Variants in TDRD1 observed in about 807,000 individuals in gnomAD.
TDRD1 encodes the protein tudor domain containing 1, also known as tudor domain-containing protein 1.
In TDRD1, 37 loss-of-function variants were observed where a neutral mutation model predicts 140.6. The observed-to-expected ratio is 0.26, with a 90% CI of 0.20 to 0.35. The LOEUF (loss-of-function observed/expected upper bound fraction) is 0.35. Among genes scored for constraint, TDRD1 ranks in the 10% least tolerant of loss-of-function variants. The pLI is 1.00. For synonymous variants in TDRD1, 506 were observed against 475.7 expected, an observed-to-expected ratio of 1.06 and a Z score of -0.83; for missense variants, 1,243 against 1,393.0, an observed-to-expected ratio of 0.89 and a Z score of 1.71.
At chr10:114,208,065 G>A (rs921234437) in intron 11 of TDRD1, among the ~76,000 whole-genome samples, 2 of 152,058 alleles carry the variant, frequency 1.3e-5, no homozygotes, top group Non-Finnish European at 2.9e-5. Flanking sequence ...TATGTTGCAA[G>A]AAAACGAACA....
intron 3 of TDRD1, among the ~76,000 whole-genome samples, chr10:114,191,439 T>C (rs1345514682): frequency 6.6e-6 from 1 of 152,196 alleles, no homozygotes; most frequent in Non-Finnish European, 1.5e-5. Context: ...TTCGACAATT[T>C]TGACATTTTT....
At chr10:114,190,874 G>T (rs542065975) in intron 2 of TDRD1, 87 bp from the exon 3 acceptor site, 6 of 1,311,646 alleles carry the variant, frequency 4.6e-6, no homozygotes, top group Non-Finnish European at 6.6e-6. Context: ...CCTGTTACTT[G>T]AATATCACCT....
intron 3 of TDRD1, among the ~76,000 whole-genome samples, chr10:114,194,152 A>T (rs2034178504): frequency 6.6e-6 from 1 of 152,146 alleles, no homozygotes; most frequent in Non-Finnish European, 1.5e-5. Flanking sequence ...TTTGGTCTGT[A>T]ATTTTCTTTT....
intron 11 of TDRD1, 86 bp downstream of exon 11, chr10:114,206,416 T>TTGTTTTA: frequency 1.1e-6 from 1 of 932,550 alleles, no homozygotes; most frequent in Admixed American, 2.2e-5. Flanking sequence ...ACTTTAGCAC[T>TTGTTTTA]GTTAAGACTT....
chr10:114,228,153 G>A (rs765227986), intron 25 of TDRD1: 3 of 1,545,294 alleles, frequency 1.9e-6, no homozygotes, highest in South Asian at 2.5e-5. Flanking sequence ...GTATGTTTTC[G>A]CCTCTTCTGT....
At chr10:114,202,169 T>C (rs2034790803) in intron 5 of TDRD1, 69 bp from the exon 6 acceptor site, 1 of 1,210,064 alleles carries the variant, frequency 8.3e-7, no homozygotes, top group African/African-American at 1.5e-5. Context: ...AATACCATAA[T>C]TGTGGTTGAT....
At chr10:114,204,291 G>A in intron 9 of TDRD1, 75 bp downstream of exon 9, 2 of 1,451,082 alleles carry the variant, frequency 1.4e-6, no homozygotes, top group Non-Finnish European at 1.8e-6. Context: ...TGGGCACAGT[G>A]TTTGCTTGTT....
chr10:114,225,072 C>T lies in TDRD1; in HGVS notation c.3008-977C>T, dbSNP rs529996327. Among the ~76,000 whole-genome samples the T allele has an allele frequency of 1.3e-4, 20 of 152,256 alleles. No homozygotes were observed. The South Asian group carries it at 4.1e-3, about 32-fold the overall frequency. On this transcript the variant is annotated intron_variant, in intron 21 of 25. Coordinates refer to ENST00000251864, the Ensembl canonical transcript of TDRD1. ...CTGGTGGCCTCCTGCCTGGAGTGCA[C>T]AGCTTGCCTGCCAGTGTTAAACTCT...
chr10:114,205,830 A>T (rs2035064362), intron 10 of TDRD1, among the ~76,000 whole-genome samples: 1 of 152,220 alleles, frequency 6.6e-6, no homozygotes, highest in Non-Finnish European at 1.5e-5. Flanking sequence ...GACTGTAGTC[A>T]ATAATAATTG....
At chr10:114,215,967 G>A (rs551502902) in intron 16 of TDRD1, among the ~76,000 whole-genome samples, 2 of 151,994 alleles carry the variant, frequency 1.3e-5, no homozygotes, top group East Asian at 3.9e-4. Context: ...AGTAATTTTT[G>A]CATTTTTTCT....
Position 114,224,054 on chromosome 10 carries a change from A to G in TDRD1, c.3007+1351A>G, listed in dbSNP as rs187516226. Among the ~76,000 whole-genome samples, 43 of 152,150 alleles carry G rather than the reference A, an allele frequency of 2.8e-4. No individual in the cohort carries two copies. The East Asian group carries it at 5.0e-3, about 18-fold the overall frequency. Reference sequence around the variant, plus strand: ...TCCCACCTTGTTTTTTGGATCCCCAACTTCCCTTTTGATTTACTCCAGTAT... The same window carrying G: ...TCCCACCTTGTTTTTTGGATCCCCAGCTTCCCTTTTGATTTACTCCAGTAT... On this transcript the variant is annotated intron_variant, in intron 21 of 25. Transcript: ENST00000251864.
chr10:114,201,723 A>G (rs770034935), intron 5 of TDRD1, among the ~76,000 whole-genome samples: 5 of 152,198 alleles, frequency 3.3e-5, no homozygotes, highest in Admixed American at 1.3e-4. Context: ...AAGATTTATA[A>G]CCTTCAAAGA....
intron 18 of TDRD1, among the ~76,000 whole-genome samples, 183 bp from the exon 19 acceptor site, chr10:114,220,385 G>A (rs1271804905): frequency 6.6e-6 from 1 of 152,174 alleles, no homozygotes; most frequent in Non-Finnish European, 1.5e-5. Flanking sequence ...ACCCTAGAGT[G>A]TATTAGCAAG....
intron 11 of TDRD1, among the ~76,000 whole-genome samples, chr10:114,210,346 C>G (rs928223750): frequency 6.6e-6 from 1 of 152,146 alleles, no homozygotes; most frequent in Non-Finnish European, 1.5e-5. Context: ...CTGAACTTGT[C>G]TAAGTCGCTG....
Position 114,220,850 on chromosome 10 carries a change from T to C in TDRD1, c.2770+7T>C. 1 of 1,586,414 alleles carries C rather than the reference T, an allele frequency of 6.3e-7. No homozygotes were observed. Among genetic ancestry groups the C allele is most frequent in the Non-Finnish European group, 8.6e-7 (1 of 1,161,454 alleles). Reference sequence around the variant, plus strand: ...CATGTACAGGGACTTCAAGGTAACATTTTAAAACCATTTATTTGTTTAAAT... The same window carrying C: ...CATGTACAGGGACTTCAAGGTAACACTTTAAAACCATTTATTTGTTTAAAT... On this transcript the variant is annotated splice_region_variant and intron_variant, in intron 19 of 25. Coordinates refer to ENST00000251864, the Ensembl canonical transcript of TDRD1.
At chr10:114,221,674 C>G (rs1163103686) in intron 20 of TDRD1, among the ~76,000 whole-genome samples, 198 bp downstream of exon 20, 1 of 152,164 alleles carries the variant, frequency 6.6e-6, no homozygotes, top group African/African-American at 2.4e-5. Context: ...ACAGTCAGCA[C>G]CTACCTGCCC....
At chr10:114,228,582 C>G in intron 25 of TDRD1, 2 of 985,146 alleles carry the variant, frequency 2.0e-6, no homozygotes, top group Non-Finnish European at 2.4e-6. Context: ...GGGCCAAGAA[C>G]GGAAAGTGGG....
rs768311535 is a variant in TDRD1 at position 114,227,969 on chromosome 10, T to C, written c.3450+13T>C. 3.5e-5 allele frequency: 57 copies of C among 1,613,332 alleles called. No individual in the cohort carries two copies. The South Asian group carries it at 5.7e-4, about 16-fold the overall frequency. ...GTTACAGAAACAAGTAGGTAAAATT[T>C]CCTTTAAGTGAAATTATACTCCTAA... On this transcript the variant is annotated intron_variant, in intron 24 of 25. Transcript: ENST00000251864.
intron 18 of TDRD1, among the ~76,000 whole-genome samples, chr10:114,219,183 G>C (rs1008529990): frequency 6.6e-6 from 1 of 152,150 alleles, no homozygotes; most frequent in African/African-American, 2.4e-5. Flanking sequence ...GAAGAAAACA[G>C]GTTATAAAAG....
Sources: gnomAD v4.1 joint callset for allele counts (sites outside exome capture counted in the v4.1 genomes callset) on GRCh38, gnomAD v4.1.1 for gene constraint, MANE v1.5 for transcripts, NCBI Gene and HGNC (gene_info 2026-07-23, HGNC 2026-07-21) for gene names.